The following GCNT2 variants were observed in gnomAD, a reference collection of about 807,000 sequenced individuals.
GCNT2 encodes the protein glucosaminyl (N-acetyl) transferase 2 (I blood group), also known as N-acetyllactosaminide beta-1,6-N-acetylglucosaminyl-transferase.
Under a neutral mutation model 34.2 loss-of-function variants are expected in GCNT2, and 34 were observed. The observed-to-expected ratio is 1.00, with a 90% confidence interval of 0.76 to 1.32. The LOEUF (loss-of-function observed/expected upper bound fraction) is 1.32. Among genes scored for constraint, GCNT2 ranks in the 40% most tolerant of loss-of-function variants. The pLI is 0.00. For missense variants in GCNT2, 584 were observed against 489.4 expected (o/e 1.19, Z -1.82); for synonymous variants, 212 against 188.0 (o/e 1.13, Z -1.04).
chr6:10,584,855 T>C (rs1274760731), intron 3 of GCNT2, among the ~76,000 whole-genome samples: 1 of 152,210 alleles, frequency 6.6e-6, no homozygotes, highest in African/African-American at 2.4e-5. Flanking sequence ...TTATGTCTTC[T>C]GTTTTCTACA....
Position 10,529,415 on chromosome 6 carries a change from G to C in GCNT2, c.504G>C (p.Gln168His). 6.2e-7 allele frequency: 1 copy of C among 1,614,122 alleles called. No individual in the cohort carries two copies. The highest frequency in any genetic ancestry group is 1.3e-5 in the African/African-American group (1 of 75,022). Residue 168 changes from glutamine to histidine, a missense_variant, in exon 3 of 5, where the codon CAG (glutamine) becomes CAC (histidine). Physicochemically the swap from Gln to His is conservative, Grantham distance 24. Coordinates refer to ENST00000495262, the MANE Select transcript of GCNT2 (RefSeq NM_145649.5). ...TCTATGGGGGGATCTCCAGGCTCCA[G>C]GCTGACCTGAACTGCCTGGAAGACC... ...SVVYGGISRL[Q>H]ADLNCLEDLV...
In GCNT2 at chr6:10,581,194, T is replaced by G. The variant is rs549582156; in HGVS notation, c.926-40157T>G. 3.3e-5 allele frequency among the ~76,000 whole-genome samples: 5 copies of G among 152,372 alleles called. No homozygotes were observed. In the South Asian group the frequency reaches 8.3e-4, roughly 25 times the overall value. ...ACATGCTAGTCTCAGTCTGTTCATC[T>G]AAACCACTGTAAATAAGTCAGGACA... On this transcript the variant is annotated intron_variant, in intron 3 of 4. Transcript: ENST00000495262.
intron 3 of GCNT2, among the ~76,000 whole-genome samples, chr6:10,582,793 T>G (rs1194888119): frequency 7.0e-6 from 1 of 143,210 alleles, no homozygotes; most frequent in African/African-American, 2.8e-5. Context: ...GTTGGATATT[T>G]TCCAAAAGAG....
At chr6:10,538,106 T>TA (rs922705356) in intron 3 of GCNT2, among the ~76,000 whole-genome samples, 7 of 151,366 alleles carry the variant, frequency 4.6e-5, no homozygotes, top group African/African-American at 1.2e-4. Context: ...CATCATAAGG[T>TA]AAAAAAAATT....
intron 3 of GCNT2, among the ~76,000 whole-genome samples, chr6:10,535,043 G>T (rs1761694214): frequency 6.6e-6 from 1 of 152,094 alleles, no homozygotes; most frequent in African/African-American, 2.4e-5. Context: ...AATTAACCGG[G>T]TGTGGTGGTG....
chr6:10,611,368 A>G (rs1468131491), intron 3 of GCNT2, among the ~76,000 whole-genome samples: 7 of 139,304 alleles, frequency 5.0e-5, no homozygotes, highest in Non-Finnish European at 1.1e-4. Context: ...GTCTCGCTCT[A>G]TTGGCAGGCT....
intron 3 of GCNT2, among the ~76,000 whole-genome samples, chr6:10,564,927 AGCC>A: frequency 6.6e-6 from 1 of 152,210 alleles, no homozygotes; most frequent in African/African-American, 2.4e-5. Context: ...GAGAGAGAGA[AGCC>A]AGATCATTAG....
At chr6:10,591,101 C>T (rs1764620689) in intron 3 of GCNT2, among the ~76,000 whole-genome samples, 1 of 152,344 alleles carries the variant, frequency 6.6e-6, no homozygotes, top group South Asian at 2.1e-4. Context: ...GAATTGTAGT[C>T]ACCTATTAAC....
At position 10,539,180 on chromosome 6, in the gene GCNT2, C is replaced by CTTTTTTTTTTTTTT; in HGVS notation, c.925+9357_925+9370dup. ...AGCCTATCTCTACAGCTCACCGTCT[C>CTTTTTTTTTTTTTT]TTTTTTTTTTTTTTTTTTTTTTTTT... is the stretch of plus-strand genomic sequence containing the variant. On this transcript the variant is annotated intron_variant, in intron 3 of 4. Coordinates refer to ENST00000495262, the MANE Select transcript of GCNT2 (RefSeq NM_145649.5). Among the ~76,000 whole-genome samples, 63 of 65,326 alleles carry CTTTTTTTTTTTTTT rather than the reference C, an allele frequency of 9.6e-4. 12 individuals carry two copies. Among genetic ancestry groups the CTTTTTTTTTTTTTT allele is most frequent in the East Asian group, 2.8e-3 (5 of 1,780 alleles). 42.9% of individuals were successfully genotyped at this position (65,326 alleles called of 152,430 possible). A position where few individuals can be genotyped will look rare whatever the true frequency, so the allele number is the denominator to read the frequency against.
rs1408291868 is a variant in GCNT2, at chr6:10,557,263, G to A, written c.925+27427G>A. 5 of 1,611,950 alleles carry A rather than the reference G, an allele frequency of 3.1e-6. No homozygotes were observed. The Admixed American group carries it at 5.0e-5, about 16-fold the overall frequency. On this transcript the variant is annotated intron_variant, in intron 3 of 4. Coordinates refer to ENST00000495262, the MANE Select transcript of GCNT2 (RefSeq NM_145649.5). ...CCAACTTTGTTCTGCATGACCCACGGGCTGTTGATTTGCTCCAGTGGTCCA... is the reference window on the plus strand; with the variant it reads ...CCAACTTTGTTCTGCATGACCCACGAGCTGTTGATTTGCTCCAGTGGTCCA...
rs139096959 is a variant in GCNT2 at position 10,611,565 on chromosome 6, G to A, written c.926-9786G>A. Among the ~76,000 whole-genome samples, 151 of 152,114 alleles carry A rather than the reference G, an allele frequency of 9.9e-4. 1 individual carries two copies. The East Asian group carries it at 0.024, about 24-fold the overall frequency. On this transcript the variant is annotated intron_variant, in intron 3 of 4. Transcript: ENST00000495262. ...AGGATGGTCTCGATCTCTTGATCTC[G>A]TGGTCTGCCCGCCTCGGCCTCCCAA...
intron 3 of GCNT2, among the ~76,000 whole-genome samples, chr6:10,533,536 C>T (rs765821577): frequency 1.3e-5 from 2 of 151,670 alleles, no homozygotes; most frequent in African/African-American, 2.4e-5. Flanking sequence ...GCCTGTAATC[C>T]CAGCACTTTG....
rs913588782 is a variant in GCNT2 at position 10,529,744 on chromosome 6, T to G, written c.833T>G (p.Leu278Arg). Reference protein sequence around the residue: ...ALTRDFANFVLQDQLALDLLS... With the variant: ...ALTRDFANFVRQDQLALDLLS... ...ACAAGGGACTTTGCTAACTTCGTCC[T>G]CCAAGACCAGCTCGCACTTGACTTA... The change falls in exon 3 of 5, where the codon CTC becomes CGC. Residue 278 changes from leucine to arginine, a missense_variant. Physicochemically the swap from Leu to Arg is moderately radical, Grantham distance 102. Transcript: ENST00000495262. The G allele has an allele frequency of 1.2e-6, 2 of 1,614,142 alleles. No homozygotes were observed. Among genetic ancestry groups the G allele is most frequent in the Admixed American group, 1.7e-5 (1 of 60,020 alleles).
At chr6:10,583,123 G>T (rs1764196234) in intron 3 of GCNT2, among the ~76,000 whole-genome samples, 1 of 152,084 alleles carries the variant, frequency 6.6e-6, no homozygotes, top group South Asian at 2.1e-4. Flanking sequence ...GCCTCAATGT[G>T]CTCATCTGTA....
chr6:10,625,710 G>A (rs1028915742), intron 4 of GCNT2, among the ~76,000 whole-genome samples: 3 of 151,988 alleles, frequency 2.0e-5, no homozygotes, highest in Non-Finnish European at 2.9e-5. Flanking sequence ...TAGTAATACC[G>A]TAGGCCCCCC....
intron 4 of GCNT2, chr6:10,621,683 G>T: frequency 2.1e-6 from 1 of 473,428 alleles, no homozygotes; most frequent in Non-Finnish European, 3.9e-6. Flanking sequence ...AATCAGGGCG[G>T]CATGTTTTTC....
intron 3 of GCNT2, among the ~76,000 whole-genome samples, chr6:10,614,392 C>A (rs1456809260): frequency 6.6e-6 from 1 of 152,020 alleles, no homozygotes; most frequent in Non-Finnish European, 1.5e-5. Flanking sequence ...TTTGGGAGGC[C>A]AGGGCGAGTG....
At chr6:10,603,272 T>C (rs1428679573) in intron 3 of GCNT2, among the ~76,000 whole-genome samples, 1 of 152,228 alleles carries the variant, frequency 6.6e-6, no homozygotes, top group Non-Finnish European at 1.5e-5. Flanking sequence ...CTATGTTCAA[T>C]GTAGGTTAGT....
chr6:10,525,478 C>A (rs1195410252), intron 1 of GCNT2, among the ~76,000 whole-genome samples: 1 of 152,102 alleles, frequency 6.6e-6, no homozygotes, highest in African/African-American at 2.4e-5. Flanking sequence ...CACACAAACG[C>A]AAGAGCCTAG....
Sources: gnomAD v4.1 joint callset for allele counts (sites outside exome capture counted in the v4.1 genomes callset) on GRCh38, gnomAD v4.1.1 for gene constraint, MANE v1.5 for transcripts, NCBI Gene and HGNC (gene_info 2026-07-23, HGNC 2026-07-21) for gene names.